The following BRPF3 variants were observed in gnomAD, a reference collection of about 807,000 sequenced individuals.
BRPF3 encodes bromodomain and PHD finger containing 3.
In BRPF3, 18 loss-of-function variants were observed where a neutral mutation model predicts 102.0. The observed-to-expected ratio is 0.18, with a 90% confidence interval of 0.12 to 0.26. BRPF3 has a LOEUF of 0.26. BRPF3 is among the 10% of genes least tolerant of loss of function. BRPF3 has a pLI of 1.00. For missense variants in BRPF3, 1,147 were observed against 1,567.8 expected, an observed-to-expected ratio of 0.73 and a Z score of 4.53; for synonymous variants, 570 against 614.2, an observed-to-expected ratio of 0.93 and a Z score of 1.06.
At chr6:36,211,037 G>T (rs902408021) in intron 6 of BRPF3, among the ~76,000 whole-genome samples, 1 of 152,252 alleles carries the variant, frequency 6.6e-6, no homozygotes, top group Non-Finnish European at 1.5e-5. Flanking sequence ...AATCGTGACT[G>T]TGAACTGCTT....
At chr6:36,228,036 G>A (rs1018794357) in intron 11 of BRPF3, among the ~76,000 whole-genome samples, 1 of 152,196 alleles carries the variant, frequency 6.6e-6, no homozygotes, top group African/African-American at 2.4e-5. Context: ...TGGAAGCAGG[G>A]GCTGTGTAGG....
At chr6:36,216,724 T>C (rs1768341056) in intron 8 of BRPF3, among the ~76,000 whole-genome samples, 1 of 152,208 alleles carries the variant, frequency 6.6e-6, no homozygotes, top group South Asian at 2.1e-4. Flanking sequence ...GTTAGAATTA[T>C]AGGACTTTTA....
chr6:36,219,664 C>G (rs1768463940), intron 9 of BRPF3, among the ~76,000 whole-genome samples: 1 of 151,990 alleles, frequency 6.6e-6, no homozygotes, highest in African/African-American at 2.4e-5. Flanking sequence ...TATCTGGGGC[C>G]CCTTGGAGGA....
Position 36,201,822 on chromosome 6 carries a change from G to T in BRPF3, c.1448+52G>T, listed in dbSNP as rs1715715920. 1.3e-6 allele frequency: 2 copies of T among 1,537,770 alleles called. No homozygotes were observed. Among genetic ancestry groups the T allele is most frequent in the South Asian group, 2.6e-5 (2 of 77,490 alleles). On this transcript the variant is annotated intron_variant, in intron 2 of 12. Coordinates refer to ENST00000357641, the MANE Select transcript of BRPF3 (RefSeq NM_015695.3). This position sits in a 1 kb window ranked among gnomAD's most constrained non-coding sequence, Gnocchi z 5.1. ...GGGACTCATGGTTTCTTCTTGGGTTGGTGTTGGCCCTGTGCCAGGCCTTCG... is the reference window on the plus strand; with the variant it reads ...GGGACTCATGGTTTCTTCTTGGGTTTGTGTTGGCCCTGTGCCAGGCCTTCG...
chr6:36,224,526 C>T (rs1378308503), intron 10 of BRPF3, among the ~76,000 whole-genome samples: 2 of 152,186 alleles, frequency 1.3e-5, no homozygotes, highest in African/African-American at 2.4e-5. Context: ...TGCTGAGTGC[C>T]GTGCATCCAG....
intron 1 of BRPF3, among the ~76,000 whole-genome samples, chr6:36,199,473 G>C (rs1018475326): frequency 6.6e-6 from 1 of 152,206 alleles, no homozygotes; most frequent in Non-Finnish European, 1.5e-5. Flanking sequence ...GAAGCCCTTA[G>C]ACCATGTATC....
At chr6:36,220,797 A>T (rs1768507804) in intron 9 of BRPF3, among the ~76,000 whole-genome samples, 1 of 152,202 alleles carries the variant, frequency 6.6e-6, no homozygotes, top group Non-Finnish European at 1.5e-5. Context: ...CTACCAACCT[A>T]ACTACAGGTT....
chr6:36,204,192 T>C (rs564115226), intron 2 of BRPF3, among the ~76,000 whole-genome samples: 27 of 152,334 alleles, frequency 1.8e-4, no homozygotes, highest in African/African-American at 6.5e-4. Context: ...AGGGGTTGCA[T>C]TGGGCTCAGC....
intron 1 of BRPF3, 27 bp downstream of exon 1, chr6:36,196,997 C>T (rs1197386096): frequency 6.7e-6 from 1 of 149,456 alleles, no homozygotes. Context: ...CGGGGCCGGA[C>T]AGAGCGGGGG....
At position 36,210,372 on chromosome 6, in the gene BRPF3, T is replaced by G; in HGVS notation, c.2023T>G (p.Phe675Val). ...CMKYNAKDTIFHRAAVRLRDL... is the reference protein window; with the variant it reads ...CMKYNAKDTIVHRAAVRLRDL... Reference sequence around the variant, plus strand: ...GAAGTATAATGCTAAAGACACAATTTTCCACCGAGCAGCTGTCCGCCTGCG... The same window carrying G: ...GAAGTATAATGCTAAAGACACAATTGTCCACCGAGCAGCTGTCCGCCTGCG... The change falls in exon 6 of 13, where the codon TTC becomes GTC. Residue 675 changes from phenylalanine (F) to valine (V), a missense_variant. Physicochemically the swap from Phe to Val is conservative, Grantham distance 50. Coordinates refer to ENST00000357641, the MANE Select transcript of BRPF3 (RefSeq NM_015695.3). The surrounding 1 kb of genome is among the most constrained non-coding windows in gnomAD (Gnocchi z 4.7). The G allele has an allele frequency of 6.2e-7, 1 of 1,614,206 alleles. No homozygotes were observed. Among genetic ancestry groups the G allele is most frequent in the Non-Finnish European group, 8.5e-7 (1 of 1,180,034 alleles).
At chr6:36,202,151 T>A (rs1009271739) in intron 2 of BRPF3, among the ~76,000 whole-genome samples, 13 of 152,046 alleles carry the variant, frequency 8.6e-5, no homozygotes, top group African/African-American at 2.9e-4. Context: ...TCGCATCCCC[T>A]CCCCCATTGC....
chr6:36,204,336 G>A (rs187897503), intron 2 of BRPF3: 358 of 323,090 alleles, frequency 1.1e-3, no homozygotes, highest in Non-Finnish European at 1.9e-3. Context: ...TGGGGGTATT[G>A]AGGCATAGGC....
intron 8 of BRPF3, among the ~76,000 whole-genome samples, chr6:36,214,686 A>G (rs1449697609): frequency 6.6e-6 from 1 of 152,216 alleles, no homozygotes; most frequent in Non-Finnish European, 1.5e-5. Flanking sequence ...TTCATCAAAT[A>G]TTTGTGTTAG....
At chr6:36,204,403 C>T in intron 2 of BRPF3, 1 of 505,086 alleles carries the variant, frequency 2.0e-6, no homozygotes, top group Non-Finnish European at 3.6e-6. Context: ...AAACGGGACT[C>T]TGGGAGATGG....
In BRPF3 at chr6:36,228,327, C is replaced by G. The variant is rs529021706; in HGVS notation, c.3280-575C>G. Among the ~76,000 whole-genome samples, 529 of 152,298 alleles carry G rather than the reference C, an allele frequency of 3.5e-3. 3 individuals are homozygous for G. The highest frequency in any genetic ancestry group is 0.012 in the African/African-American group (495 of 41,558). ...CGTCTCTGAGCCAGGCAAGGTGGGG[C>G]TGGATGCCAGAAGCAAACCTGAAGG... On this transcript the variant is annotated intron_variant, in intron 11 of 12. Transcript: ENST00000357641.
At chr6:36,211,190 G>A (rs1359589848) in intron 6 of BRPF3, 68 bp from the exon 7 acceptor site, 40 of 1,489,280 alleles carry the variant, frequency 2.7e-5, no homozygotes, top group Non-Finnish European at 3.4e-5. Context: ...CGAAGGATTC[G>A]GCCCCTTTCT....
intron 6 of BRPF3, 117 bp from the exon 7 acceptor site, chr6:36,211,131 CGCTGCTGGAA>C: frequency 1.8e-6 from 2 of 1,095,416 alleles, no homozygotes; most frequent in Non-Finnish European, 2.6e-6. Context: ...CCCACAGTGA[CGCTGCTGGAA>C]GCTGCTGGCC....
Position 36,200,362 on chromosome 6 carries a change from G to A in BRPF3, c.40G>A (p.Gly14Ser). The A allele has an allele frequency of 1.2e-6, 2 of 1,614,204 alleles. No homozygotes were observed. The highest frequency in any genetic ancestry group is 1.7e-4 in the Middle Eastern group (1 of 6,060). Reference sequence around the variant, plus strand: ...TCGGAAGTCCCGGCAGAATGCCGAGGGCCGGCGTTCCCCGTCCCCCTACAG... The same window carrying A: ...TCGGAAGTCCCGGCAGAATGCCGAGAGCCGGCGTTCCCCGTCCCCCTACAG... ...PRRKSRQNAE[G>S]RRSPSPYSLK... The change falls in exon 2 of 13, where the codon GGC becomes AGC. Residue 14 changes from glycine (G) to serine (S), a missense_variant. Gly to Ser is a moderately conservative substitution (Grantham distance 56). Coordinates refer to ENST00000357641, the MANE Select transcript of BRPF3 (RefSeq NM_015695.3). This position sits in a 1 kb window ranked among gnomAD's most constrained non-coding sequence, Gnocchi z 5.3.
At position 36,211,397 on chromosome 6, in the gene BRPF3, G is replaced by A. The variant is rs1316007207; in HGVS notation, c.2319G>A (p.Arg773=). The A allele has an allele frequency of 6.2e-7, 1 of 1,614,094 alleles. No individual in the cohort carries two copies. Among genetic ancestry groups the A allele is most frequent in the African/African-American group, 1.3e-5 (1 of 75,070 alleles). ...ARTRRVRLLR[R]EINALRQKLA... ...CCCGTCGTGTCCGCCTGCTACGCCG[G>A]GAGATCAATGCCCTTCGGCAGAAGC... Residue 773 remains arginine (R), a synonymous_variant, in exon 7 of 13, where the codon CGG becomes CGA. Coordinates refer to ENST00000357641, the MANE Select transcript of BRPF3 (RefSeq NM_015695.3).
Sources: gnomAD v4.1 joint callset for allele counts (sites outside exome capture counted in the v4.1 genomes callset) on GRCh38, gnomAD v4.1.1 for gene constraint, Gnocchi (gnomAD v3.1) non-coding constraint, MANE v1.5 for transcripts, NCBI Gene and HGNC (gene_info 2026-07-23, HGNC 2026-07-21) for gene names.